The following ZNF737 variants were observed in gnomAD, a reference collection of about 807,000 sequenced individuals.
ZNF737 encodes zinc finger protein 737, also known as zinc finger protein 102 (Y3).
Under a neutral mutation model 11.7 loss-of-function variants are expected in ZNF737, and 13 were observed. The ratio of observed to expected loss-of-function variants is 1.11; its 90% confidence interval spans 0.73 to 1.77. The LOEUF (loss-of-function observed/expected upper bound fraction) is 1.77, where lower values mean the gene tolerates loss of function less well. Ranked by LOEUF, ZNF737 falls within the 40% of genes most tolerant of loss-of-function variation. The pLI is 0.00. For missense variants in ZNF737, 636 were observed against 638.0 expected, an observed-to-expected ratio of 1.00 and a Z score of 0.03; for synonymous variants, 217 against 216.2, an observed-to-expected ratio of 1.00 and a Z score of -0.03.
intron 3 of ZNF737, 83 bp downstream of exon 3, chr19:20,552,392 C>T: frequency 2.1e-6 from 2 of 944,738 alleles, no homozygotes; most frequent in South Asian, 4.4e-5. Flanking sequence ...CTTCCCAAAT[C>T]ACACTTTAAG....
At position 20,544,900 on chromosome 19, in the gene ZNF737, T is replaced by TA; in HGVS notation, c.1302dup (p.Lys435Ter). On this transcript the variant is annotated frameshift_variant, in exon 4 of 4. Transcript: ENST00000427401. LOFTEE classifies it low-confidence loss of function (END_TRUNC). The stretch of plus-strand genomic sequence containing the variant: ...TGTGTAGTAAGGATAGAGAAGCACT[T>TA]AAAGGCCTTGCCACATTCTTCACAC... 6.2e-7 allele frequency: 1 copy of TA among 1,613,180 alleles called. No individual in the cohort carries two copies. The highest frequency in any genetic ancestry group is 1.1e-5 in the South Asian group (1 of 90,952).
chr19:20,562,934 G>C (rs1555762851), intron 1 of ZNF737, among the ~76,000 whole-genome samples: 1 of 151,100 alleles, frequency 6.6e-6, no homozygotes, highest in Non-Finnish European at 1.5e-5. Flanking sequence ...TTCACTCTCC[G>C]TTTGCCATTC....
downstream of ZNF737, among the ~76,000 whole-genome samples, chr19:20,537,269 C>T (rs1307135537): frequency 6.6e-6 from 1 of 151,140 alleles, no homozygotes; most frequent in Non-Finnish European, 1.5e-5. Context: ...GGCACAATCT[C>T]ATCTCACTGC....
Position 20,539,058 on chromosome 19 carries a change from G to C in ZNF737, c.*5534C>G, listed in dbSNP as rs990920997. On this transcript the variant is annotated 3_prime_UTR_variant, in exon 4 of 4. Coordinates refer to ENST00000427401, the MANE Select transcript of ZNF737 (RefSeq NM_001159293.2). ...TGCCTGTAATCCCAGCACTCTGGGA[G>C]GCTGAGGTGGATGGATCACCTGAGG... The C allele has an allele frequency of 1.8e-5, 16 of 913,512 alleles. No homozygotes were observed. Among genetic ancestry groups the C allele is most frequent in the South Asian group, 1.0e-4 (2 of 19,834 alleles). 56.6% of individuals were successfully genotyped at this position (913,512 alleles called of 1,614,324 possible). A position where few individuals can be genotyped will look rare whatever the true frequency, so the allele number is the denominator to read the frequency against.
Position 20,539,167 on chromosome 19 carries a change from G to A in ZNF737, c.*5425C>T, listed in dbSNP as rs2144578972. The A allele has an allele frequency of 1.7e-6, 1 of 588,786 alleles. No individual in the cohort carries two copies. Among genetic ancestry groups the A allele is most frequent in the South Asian group, 7.5e-5 (1 of 13,364 alleles). The allele number at this position is 588,786 out of a possible 1,614,324, so 36.5% of individuals were successfully genotyped here. ...TATCCGGGCATAATGGCGGGTGCCT[G>A]TTATCCCAGCTACTCAGGAGGCTGA... On this transcript the variant is annotated 3_prime_UTR_variant, in exon 4 of 4. Coordinates refer to ENST00000427401, the MANE Select transcript of ZNF737 (RefSeq NM_001159293.2).
chr19:20,552,415 CTT>C (rs2144656467), intron 3 of ZNF737, 58 bp downstream of exon 3: 1 of 1,278,774 alleles, frequency 7.8e-7, no homozygotes, highest in Non-Finnish European at 1.1e-6. Flanking sequence ...CTGGCTTTCT[CTT>C]TGACTTTGGG....
In ZNF737 at chr19:20,540,856, ACAAAT is replaced by A; in HGVS notation, c.*3731_*3735del. 12 of 943,056 alleles carry A rather than the reference ACAAAT, an allele frequency of 1.3e-5. No homozygotes were observed. Among genetic ancestry groups the A allele is most frequent in the Non-Finnish European group, 1.5e-5 (12 of 791,476 alleles). 58.4% of individuals were successfully genotyped at this position (943,056 alleles called of 1,614,324 possible). A position where few individuals can be genotyped will look rare whatever the true frequency, so the allele number is the denominator to read the frequency against. On this transcript the variant is annotated 3_prime_UTR_variant, in exon 4 of 4. Transcript: ENST00000427401. The stretch of plus-strand genomic sequence containing the variant: ...TAACTACTTTTTAGTTTTATTCATT[ACAAAT>A]AACTATTTTTCTGGCTTAAATTATT...
At position 20,544,991 on chromosome 19, in the gene ZNF737, T is replaced by A. The variant is rs368412259; in HGVS notation, c.1212A>T (p.Glu404Asp). ...EKPYKCEECG[E>D]AFKYSSSLTT... ...TAAGGGAAGAGGAGTACTTAAAGGC[T>A]TCGCCACATTCTTCACATTTGTAGG... The change falls in exon 4 of 4, where the codon GAA becomes GAT. Residue 404 changes from glutamate (E) to aspartate (D), a missense_variant. Glu to Asp is a conservative substitution (Grantham distance 45, BLOSUM62 2). Transcript: ENST00000427401. The A allele has an allele frequency of 3.1e-5, 50 of 1,611,722 alleles. 1 individual carries two copies. Among genetic ancestry groups the A allele is most frequent in the East Asian group, 2.9e-4 (13 of 44,726 alleles).
At chr19:20,531,063 C>CA (rs1217200886), downstream of ZNF737, among the ~76,000 whole-genome samples, 42 of 146,524 alleles carry the variant, frequency 2.9e-4, 1 homozygote, top group Non-Finnish European at 5.4e-4. Context: ...CCGTCTCCAC[C>CA]AAAAAAATAC....
chr19:20,561,463 G>A (rs1268533037), intron 1 of ZNF737, among the ~76,000 whole-genome samples: 1 of 152,082 alleles, frequency 6.6e-6, no homozygotes, highest in Non-Finnish European at 1.5e-5. Flanking sequence ...TGTCATCAGA[G>A]CTCCTTTCTT....
At chr19:20,534,216 C>T (rs1414266883), downstream of ZNF737, among the ~76,000 whole-genome samples, 1 of 150,080 alleles carries the variant, frequency 6.7e-6, no homozygotes, top group Non-Finnish European at 1.5e-5. Context: ...CCGAGTCAGG[C>T]AGATCATTTG....
At chr19:20,534,970 C>CTGTTT (rs1291521446), downstream of ZNF737, among the ~76,000 whole-genome samples, 6 of 149,620 alleles carry the variant, frequency 4.0e-5, 1 homozygote, top group African/African-American at 1.5e-4. Context: ...TAACAGTAAG[C>CTGTTT]AAAGACAGAG....
At position 20,539,003 on chromosome 19, in the gene ZNF737, A is replaced by G; in HGVS notation, c.*5589T>C. On this transcript the variant is annotated 3_prime_UTR_variant, in exon 4 of 4. Transcript: ENST00000427401. ...CATAATGTGCATTTTCCTGCCTACCAAAATTATTCTGGCTGGGAAAAGTGG... is the reference window on the plus strand; with the variant it reads ...CATAATGTGCATTTTCCTGCCTACCGAAATTATTCTGGCTGGGAAAAGTGG... The G allele has an allele frequency of 1.0e-6, 1 of 985,408 alleles. No homozygotes were observed. Among genetic ancestry groups the G allele is most frequent in the Non-Finnish European group, 1.2e-6 (1 of 829,904 alleles). 61.0% of individuals were successfully genotyped at this position (985,408 alleles called of 1,614,324 possible). A position where few individuals can be genotyped will look rare whatever the true frequency, so the allele number is the denominator to read the frequency against.
Position 20,544,086 on chromosome 19 carries a change from G to T in ZNF737, c.*506C>A. On this transcript the variant is annotated 3_prime_UTR_variant, in exon 4 of 4. Transcript: ENST00000427401. ...GAGGTTGCAGTGAGCCGAGATCATG[G>T]CACTGTACTCCAGCTTGGATGACAA... The T allele has an allele frequency of 1.1e-6, 1 of 947,918 alleles. No homozygotes were observed. Among genetic ancestry groups the T allele is most frequent in the Non-Finnish European group, 1.3e-6 (1 of 792,470 alleles). 58.7% of individuals were successfully genotyped at this position (947,918 alleles called of 1,614,324 possible).
intron 3 of ZNF737, among the ~76,000 whole-genome samples, chr19:20,549,857 G>A (rs537974974): frequency 1.3e-5 from 2 of 150,236 alleles, no homozygotes; most frequent in South Asian, 4.2e-4. Context: ...TTGAACCCAG[G>A]AAGTGGAGGT....
chr19:20,539,770 C>T lies in ZNF737; in HGVS notation c.*4822G>A. 1 of 985,356 alleles carries T rather than the reference C, an allele frequency of 1.0e-6. No homozygotes were observed. The highest frequency in any genetic ancestry group is 1.2e-6 in the Non-Finnish European group (1 of 829,904). The allele number at this position is 985,356 out of a possible 1,614,324, so 61.0% of individuals were successfully genotyped here. A position where few individuals can be genotyped will look rare whatever the true frequency, so the allele number is the denominator to read the frequency against. ...GTAAGTTCAATTTTAGGACATTACC[C>T]ACTGGTCTTCATGGCATTTCTGTAA... On this transcript the variant is annotated 3_prime_UTR_variant, in exon 4 of 4. Coordinates refer to ENST00000427401, the MANE Select transcript of ZNF737 (RefSeq NM_001159293.2).
Position 20,545,311 on chromosome 19 carries a change from A to G in ZNF737, c.892T>C (p.Ser298Pro). ...ATTATCTTATGCGCAGTAAGGATAG[A>G]GGAGCGCTTAAAGGCCTTGCCACAT... ...EECGKAFKRS[S>P]ILTAHKIIHS... Residue 298 changes from serine (S) to proline (P), a missense_variant, in exon 4 of 4, where the codon TCT becomes CCT. Coordinates refer to ENST00000427401, the MANE Select transcript of ZNF737 (RefSeq NM_001159293.2). The G allele has an allele frequency of 6.2e-7, 1 of 1,613,236 alleles. No individual in the cohort carries two copies. The highest frequency in any genetic ancestry group is 1.1e-5 in the South Asian group (1 of 90,914).
At chr19:20,563,572 G>C (rs1311981158) in intron 1 of ZNF737, among the ~76,000 whole-genome samples, 1 of 146,892 alleles carries the variant, frequency 6.8e-6, no homozygotes, top group Non-Finnish European at 1.5e-5. Flanking sequence ...TGCAACCTCT[G>C]CCTCCCCGGT....
chr19:20,536,247 G>T, downstream of ZNF737: 1 of 309,912 alleles, frequency 3.2e-6, no homozygotes, highest in Non-Finnish European at 4.7e-6. Context: ...TTGATCAAAA[G>T]CTAGCAAAAG....
Sources: allele counts gnomAD v4.1 joint callset (sites outside exome capture counted in the v4.1 genomes callset), GRCh38; gene constraint gnomAD v4.1.1; transcripts MANE v1.5; gene names NCBI Gene and HGNC (gene_info 2026-07-23, HGNC 2026-07-21).